Variants in SETD7 observed in about 807,000 individuals in gnomAD.
The protein encoded by SETD7 is histone-lysine N-methyltransferase SETD7.
Under a neutral mutation model 41.8 loss-of-function variants are expected in SETD7, and 16 were observed. The observed-to-expected ratio is 0.38, with a 90% confidence interval of 0.26 to 0.58. SETD7 has a LOEUF of 0.58. Among genes scored for constraint, SETD7 ranks in the 20% least tolerant of loss-of-function variants. SETD7 has a pLI of 0.64. For missense variants in SETD7, 346 were observed against 459.7 expected, an observed-to-expected ratio of 0.75 and a Z score of 2.26; for synonymous variants, 163 against 169.7, an observed-to-expected ratio of 0.96 and a Z score of 0.31.
chr4:139,511,932 C>T (rs1726889145), intron 7 of SETD7, 89 bp from the exon 8 acceptor site: 1 of 1,507,298 alleles, frequency 6.6e-7, no homozygotes, highest in Non-Finnish European at 8.8e-7. Context: ...GGAATCACCC[C>T]CAGGCACTCT....
intron 7 of SETD7, among the ~76,000 whole-genome samples, chr4:139,499,756 ATTCT>A (rs1726532883): frequency 6.6e-6 from 1 of 152,150 alleles, no homozygotes; most frequent in Non-Finnish European, 1.5e-5. Flanking sequence ...TGATCATTAA[ATTCT>A]TTCTTCGCTG....
chr4:139,497,980 T>G (rs575203368), intron 7 of SETD7, among the ~76,000 whole-genome samples: 1 of 152,250 alleles, frequency 6.6e-6, no homozygotes, highest in East Asian at 1.9e-4. Context: ...AAGAAATTAA[T>G]GGGTTGTTTT....
intron 5 of SETD7, among the ~76,000 whole-genome samples, 181 bp downstream of exon 5, chr4:139,523,173 T>A (rs1030899917): frequency 1.3e-5 from 2 of 152,156 alleles, no homozygotes; most frequent in Non-Finnish European, 2.9e-5. Context: ...AAAACACTCT[T>A]CCTCAGAATA....
downstream of SETD7, among the ~76,000 whole-genome samples, chr4:139,502,634 T>C (rs1440138327): frequency 6.6e-6 from 1 of 152,166 alleles, no homozygotes; most frequent in Non-Finnish European, 1.5e-5. Context: ...ACACAGACAG[T>C]GGCAAAGCCG....
At chr4:139,514,077 G>C (rs1726953119) in intron 7 of SETD7, among the ~76,000 whole-genome samples, 1 of 152,210 alleles carries the variant, frequency 6.6e-6, no homozygotes, top group Non-Finnish European at 1.5e-5. Context: ...GAGCTCGGGA[G>C]TTCAAGACTA....
intron 7 of SETD7, among the ~76,000 whole-genome samples, chr4:139,496,698 T>C (rs1180517443): frequency 6.6e-6 from 1 of 152,244 alleles, no homozygotes; most frequent in Non-Finnish European, 1.5e-5. Context: ...TCAGAGGCTC[T>C]AAGGCTGGAA....
chr4:139,496,230 G>A, exon 8 of SETD7: 1 of 539,012 alleles, frequency 1.9e-6, no homozygotes, highest in Non-Finnish European at 3.3e-6. Context: ...AACTTATTAG[G>A]TATCTCTTTT....
At chr4:139,545,046 A>T (rs1181212150) in intron 2 of SETD7, among the ~76,000 whole-genome samples, 2 of 152,202 alleles carry the variant, frequency 1.3e-5, no homozygotes, top group Non-Finnish European at 2.9e-5. Flanking sequence ...TTGTTGAACG[A>T]ATAAAAAAAT....
chr4:139,515,904 C>G lies in SETD7; in HGVS notation c.920+1981G>C, dbSNP rs115071400. ...ACTGAACAGAAAAGGTTGCAGGCAGCTCACTGGCTCCCAGGAAGAGCTGGC... is the reference window on the plus strand; with the variant it reads ...ACTGAACAGAAAAGGTTGCAGGCAGGTCACTGGCTCCCAGGAAGAGCTGGC... On this transcript the variant is annotated intron_variant, in intron 7 of 7. Transcript: ENST00000274031. Among the ~76,000 whole-genome samples, 301 of 152,304 alleles carry G rather than the reference C, an allele frequency of 2.0e-3. 1 individual carries two copies. The highest frequency in any genetic ancestry group is 6.9e-3 in the African/African-American group (286 of 41,566).
intron 4 of SETD7, among the ~76,000 whole-genome samples, chr4:139,526,767 C>T (rs1727344546): frequency 6.6e-6 from 1 of 152,114 alleles, no homozygotes. Context: ...TAAGTTTAGG[C>T]ACCTGCCACT....
At chr4:139,498,720 T>A (rs956765884) in intron 7 of SETD7, among the ~76,000 whole-genome samples, 2 of 152,170 alleles carry the variant, frequency 1.3e-5, no homozygotes, top group Non-Finnish European at 1.5e-5. Flanking sequence ...AGGCTGCCTA[T>A]AGACCCCAAG....
intron 5 of SETD7, 23 bp from the exon 6 acceptor site, chr4:139,520,417 T>A: frequency 2.1e-6 from 3 of 1,400,156 alleles, no homozygotes; most frequent in Non-Finnish European, 3.0e-6. Context: ...AAGAGTTGAA[T>A]AGTGACCTTT....
rs1005239957 is a variant in SETD7, at chr4:139,509,110, G to C, written c.*2553C>G. The C allele has an allele frequency of 6.5e-6, 1 of 152,676 alleles. No homozygotes were observed. Among genetic ancestry groups the C allele is most frequent in the African/African-American group, 2.4e-5 (1 of 41,452 alleles). 9.5% of individuals were successfully genotyped at this position (152,676 alleles called of 1,614,324 possible). A position where few individuals can be genotyped will look rare whatever the true frequency, so the allele number is the denominator to read the frequency against. ...AGACTCAAGAAAGGTCAGTGCAGGG[G>C]ACTTGGAACAGGGAACAGGAGAGGG... On this transcript the variant is annotated 3_prime_UTR_variant, in exon 8 of 8. Transcript: ENST00000274031.
At chr4:139,543,408 C>T (rs985777637) in intron 2 of SETD7, among the ~76,000 whole-genome samples, 4 of 152,168 alleles carry the variant, frequency 2.6e-5, no homozygotes, top group Non-Finnish European at 5.9e-5. Flanking sequence ...ACAGCAAATC[C>T]TTTTAGCAGA....
At chr4:139,524,714 T>G (rs1170345899) in intron 4 of SETD7, among the ~76,000 whole-genome samples, 3 of 152,178 alleles carry the variant, frequency 2.0e-5, no homozygotes, top group Non-Finnish European at 4.4e-5. Flanking sequence ...AGCAGCCTCT[T>G]GCAATAATAG....
intron 1 of SETD7, among the ~76,000 whole-genome samples, chr4:139,552,891 C>A (rs182143108): frequency 1.5e-3 from 234 of 152,320 alleles, no homozygotes; most frequent in Non-Finnish European, 2.7e-3. Flanking sequence ...ACATCATATT[C>A]ATCTTTGTAT....
intron 1 of SETD7, among the ~76,000 whole-genome samples, chr4:139,547,556 A>G (rs1727999501): frequency 6.6e-6 from 1 of 152,224 alleles, no homozygotes; most frequent in African/African-American, 2.4e-5. Context: ...GATTTTATAC[A>G]TCATTCTATA....
intron 3 of SETD7, among the ~76,000 whole-genome samples, chr4:139,531,881 G>A (rs1424525618): frequency 5.9e-5 from 9 of 152,012 alleles, no homozygotes; most frequent in African/African-American, 1.2e-4. Context: ...ATCTGAGGTC[G>A]GGAGTTTGAG....
intron 2 of SETD7, among the ~76,000 whole-genome samples, chr4:139,537,665 C>T (rs1727676053): frequency 6.6e-6 from 1 of 152,138 alleles, no homozygotes; most frequent in Non-Finnish European, 1.5e-5. Context: ...CACGTATCCC[C>T]CCAACATATA....
Sources: allele counts gnomAD v4.1 joint callset (sites outside exome capture counted in the v4.1 genomes callset), GRCh38; gene constraint gnomAD v4.1.1; transcripts MANE v1.5; gene names NCBI Gene and HGNC (gene_info 2026-07-23, HGNC 2026-07-21).